The following NNMT variants were observed in gnomAD, a reference collection of about 807,000 sequenced individuals.
The protein encoded by NNMT is nicotinamide N-methyltransferase.
In NNMT, 10 loss-of-function variants were observed where a neutral mutation model predicts 11.7. That is an observed-to-expected ratio of 0.85 (90% CI 0.53 to 1.45). The LOEUF (loss-of-function observed/expected upper bound fraction) is 1.45, where lower values mean the gene tolerates loss of function less well. Ranked by LOEUF, NNMT falls within the 40% of genes most tolerant of loss-of-function variation. The pLI, the probability that NNMT is intolerant of heterozygous loss-of-function variation, is 0.00. For synonymous variants in NNMT, 143 were observed against 133.8 expected, an observed-to-expected ratio of 1.07 and a Z score of -0.48; for missense variants, 381 against 319.4, an observed-to-expected ratio of 1.19 and a Z score of -1.47.
At chr11:114,270,036 G>GA in intron 2 of NNMT, among the ~76,000 whole-genome samples, 1 of 151,882 alleles carries the variant, frequency 6.6e-6, no homozygotes, top group Non-Finnish European at 1.5e-5. Flanking sequence ...AAATGTTTAA[G>GA]AAAAAAATTT....
At chr11:114,297,684 A>G (rs913320929) in intron 1 of NNMT, among the ~76,000 whole-genome samples, 3 of 152,044 alleles carry the variant, frequency 2.0e-5, no homozygotes, top group Non-Finnish European at 4.4e-5. Flanking sequence ...ATGAGGTCTC[A>G]CTATGTTGTC....
rs1487969138 is a variant in NNMT, at chr11:114,298,132, C to T, written c.336C>T (p.Thr112=). 1 of 1,614,116 alleles carries T rather than the reference C, an allele frequency of 6.2e-7. No homozygotes were observed. Among genetic ancestry groups the T allele is most frequent in the Non-Finnish European group, 8.5e-7 (1 of 1,180,020 alleles). The part of the protein sequence containing the change: ...PEAFDWSPVV[T]YVCDLEGNRV... Reference sequence around the variant, plus strand: ...CCTTTGACTGGTCCCCAGTGGTGACCTATGTGTGTGATCTTGAAGGGAACA... The same window carrying T: ...CCTTTGACTGGTCCCCAGTGGTGACTTATGTGTGTGATCTTGAAGGGAACA... Residue 112 remains threonine, a synonymous_variant, in exon 2 of 3, where the codon ACC becomes ACT. Transcript: ENST00000299964.
intron 2 of NNMT, among the ~76,000 whole-genome samples, chr11:114,277,118 G>C (rs1945219208): frequency 6.6e-6 from 1 of 152,184 alleles, no homozygotes; most frequent in African/African-American, 2.4e-5. Flanking sequence ...AGCTACTCGG[G>C]AGGCTGAAGC....
intron 2 of NNMT, among the ~76,000 whole-genome samples, chr11:114,286,786 C>G (rs1288494753): frequency 6.6e-6 from 1 of 152,120 alleles, no homozygotes; most frequent in Non-Finnish European, 1.5e-5. Flanking sequence ...AGGTGTGTAC[C>G]TGGACTGTAA....
intron 2 of NNMT, among the ~76,000 whole-genome samples, chr11:114,280,998 T>A (rs1945257643): frequency 1.3e-5 from 2 of 152,164 alleles, no homozygotes; most frequent in African/African-American, 4.8e-5. Context: ...ACATGTTGCC[T>A]CACCTCCACC....
chr11:114,265,196 A>G (rs534065060), intron 2 of NNMT, among the ~76,000 whole-genome samples: 3 of 152,212 alleles, frequency 2.0e-5, no homozygotes, highest in Non-Finnish European at 4.4e-5. Context: ...TTTTTAACAT[A>G]AAATCACTTT....
In NNMT at chr11:114,313,015, C is replaced by A. The variant is rs1945569113; in HGVS notation, c.*538C>A. The A allele has an allele frequency of 6.6e-6, 1 of 152,546 alleles. No homozygotes were observed. Among genetic ancestry groups the A allele is most frequent in the African/African-American group, 2.4e-5 (1 of 41,444 alleles). The allele number at this position is 152,546 out of a possible 1,614,324, so 9.4% of individuals were successfully genotyped here. The stretch of plus-strand genomic sequence containing the variant: ...ACAGCTGTCCAGCATTTCTGTTCAT[C>A]CCAGCAATCCAAAAAAAAATTTTTT... On this transcript the variant is annotated 3_prime_UTR_variant, in exon 3 of 3. Coordinates refer to ENST00000299964, the MANE Select transcript of NNMT (RefSeq NM_006169.3).
intron 2 of NNMT, chr11:114,269,338 G>A (rs1330416474): frequency 6.6e-6 from 1 of 152,104 alleles, no homozygotes; most frequent in Non-Finnish European, 1.5e-5. Flanking sequence ...GCACCAAGAC[G>A]TCTCAGCACA....
upstream of NNMT, among the ~76,000 whole-genome samples, chr11:114,293,630 A>G (rs1037742829): frequency 1.3e-5 from 2 of 151,548 alleles, no homozygotes; most frequent in Non-Finnish European, 2.9e-5. Context: ...TCCAAAAGGC[A>G]GACAATAACA....
At position 114,272,085 on chromosome 11, in the gene NNMT, G is replaced by A. The variant is rs187622920; in HGVS notation, c.-130+9151G>A. 2.8e-3 allele frequency among the ~76,000 whole-genome samples: 427 copies of A among 152,210 alleles called. 2 individuals carry two copies. Among genetic ancestry groups the A allele is most frequent in the Admixed American group, 0.012 (178 of 15,292 alleles). On this transcript the variant is annotated intron_variant, in intron 2 of 4. Coordinates refer to the NNMT transcript ENST00000535401. Reference sequence around the variant, plus strand: ...TGTCTAGAGGTGGAGCTGGGCTTGCGGGGATGGTTACTGAGTCTGAACTCT... The same window carrying A: ...TGTCTAGAGGTGGAGCTGGGCTTGCAGGGATGGTTACTGAGTCTGAACTCT...
intron 2 of NNMT, among the ~76,000 whole-genome samples, chr11:114,298,649 C>T (rs1364202097): frequency 6.6e-6 from 1 of 152,102 alleles, no homozygotes; most frequent in East Asian, 1.9e-4. Flanking sequence ...CAAAATCTGA[C>T]TAGGTTTTTA....
chr11:114,261,860 A>G (rs1945085630), intron 1 of NNMT, among the ~76,000 whole-genome samples: 1 of 152,184 alleles, frequency 6.6e-6, no homozygotes, highest in Non-Finnish European at 1.5e-5. Context: ...GCTGAGTGGG[A>G]AGCTGCTGTC....
chr11:114,297,968 CT>C lies in NNMT; in HGVS notation c.173del (p.Leu58ArgfsTer2), dbSNP rs1469608766. The C allele has an allele frequency of 6.2e-7, 1 of 1,612,900 alleles. No homozygotes were observed. On this transcript the variant is annotated frameshift_variant, in exon 2 of 3. Transcript: ENST00000299964. LOFTEE classifies it high-confidence loss of function. ...TAATCCAGACGGTGTGAAGGGAGAC[CT>C]GCTGATTGACATCGGCTCTGGCCCC... is the stretch of plus-strand genomic sequence containing the variant. ...IFCLDGVKGD[L>X]LIDIGSGPTI... is the part of the protein sequence containing the mutation.
intron 2 of NNMT, among the ~76,000 whole-genome samples, chr11:114,311,044 G>A (rs1332443988): frequency 6.6e-6 from 1 of 152,108 alleles, no homozygotes; most frequent in East Asian, 1.9e-4. Context: ...ATCACCACTG[G>A]GTCAGGTGTG....
chr11:114,288,211 A>G (rs1945312031), intron 2 of NNMT, among the ~76,000 whole-genome samples: 1 of 152,052 alleles, frequency 6.6e-6, no homozygotes, highest in South Asian at 2.1e-4. Context: ...TTACATTTTT[A>G]ACCTTTTTTT....
At chr11:114,311,920 C>A in intron 2 of NNMT, 125 bp from the exon 3 acceptor site, 1 of 926,578 alleles carries the variant, frequency 1.1e-6, no homozygotes, top group Non-Finnish European at 1.6e-6. Flanking sequence ...TCTCTCCTTT[C>A]CCGATAGAGG....
chr11:114,312,148 C>A lies in NNMT; in HGVS notation c.466C>A (p.Pro156Thr), dbSNP rs775936988. The change falls in exon 3 of 3, where the codon CCG becomes ACG. Residue 156 changes from proline (P) to threonine (T), a missense_variant. Transcript: ENST00000299964. ...SQPLGAVPLP[P>T]ADCVLSTLCL... ...GCCACTGGGGGCCGTCCCCTTACCC[C>A]CGGCTGACTGCGTGCTCAGCACACT... 7 of 1,614,012 alleles carry A rather than the reference C, an allele frequency of 4.3e-6. No homozygotes were observed. In the African/African-American group the frequency reaches 9.3e-5, roughly 22 times the overall value.
chr11:114,285,533 A>G (rs1413558964), intron 2 of NNMT, among the ~76,000 whole-genome samples: 3 of 152,230 alleles, frequency 2.0e-5, no homozygotes, highest in Non-Finnish European at 4.4e-5. Context: ...AATCTAGAGC[A>G]GGCCCTGCGG....
At chr11:114,284,943 T>C (rs1945287382) in intron 2 of NNMT, among the ~76,000 whole-genome samples, 7 of 151,858 alleles carry the variant, frequency 4.6e-5, no homozygotes, top group Admixed American at 3.9e-4. Context: ...CTAATTTTTG[T>C]ATTTTCAGTA....
Sources: gnomAD v4.1 joint callset for allele counts (sites outside exome capture counted in the v4.1 genomes callset) on GRCh38, gnomAD v4.1.1 for gene constraint, MANE v1.5 for transcripts, NCBI Gene and HGNC (gene_info 2026-07-23, HGNC 2026-07-21) for gene names.